The following FSTL4 variants were observed in gnomAD, a reference collection of about 807,000 sequenced individuals.
FSTL4 encodes the protein follistatin-related protein 4.
A neutral mutation model predicts 78.2 loss-of-function variants in FSTL4; 28 were observed. That is an observed-to-expected ratio of 0.36 (90% CI 0.27 to 0.49). FSTL4 has a LOEUF of 0.49. Among genes scored for constraint, FSTL4 ranks in the 20% least tolerant of loss-of-function variants. The pLI, the probability that FSTL4 is intolerant of heterozygous loss-of-function variation, is 0.98. For synonymous variants in FSTL4, 422 were observed against 440.5 expected (o/e 0.96, Z 0.53); for missense variants, 922 against 1,084.9 (o/e 0.85, Z 2.11).
At chr5:133,592,631 T>A (rs928365296) in intron 2 of FSTL4, among the ~76,000 whole-genome samples, 1 of 152,012 alleles carries the variant, frequency 6.6e-6, no homozygotes, top group South Asian at 2.1e-4. Context: ...AGTCATGGAG[T>A]TGGATCCCTT....
chr5:133,559,972 C>T lies in FSTL4; in HGVS notation c.160+7214G>A, dbSNP rs537544708. On this transcript the variant is annotated intron_variant, in intron 3 of 15. Transcript: ENST00000265342. ...TCTGTGATCTGACCTTTGTGAGAAACGGAGAGATGACATAAAGCCAAGTCA... is the reference window on the plus strand; with the variant it reads ...TCTGTGATCTGACCTTTGTGAGAAATGGAGAGATGACATAAAGCCAAGTCA... Among the ~76,000 whole-genome samples, 3 of 152,260 alleles carry T rather than the reference C, an allele frequency of 2.0e-5. No homozygotes were observed. The South Asian group carries it at 6.2e-4, about 32-fold the overall frequency.
intron 3 of FSTL4, among the ~76,000 whole-genome samples, chr5:133,460,844 C>T (rs1757577806): frequency 6.6e-6 from 1 of 152,224 alleles, no homozygotes; most frequent in Admixed American, 6.5e-5. Context: ...TGCTCTGAGG[C>T]TAACTTCTCA....
At chr5:133,767,741 C>T in the FSTL4 span, among the ~76,000 whole-genome samples, 1 of 152,222 alleles carries the variant, frequency 6.6e-6, no homozygotes, top group Non-Finnish European at 1.5e-5. Flanking sequence ...CAGAGTGATG[C>T]CTGGATGCCA....
intron 7 of FSTL4, among the ~76,000 whole-genome samples, chr5:133,240,468 G>GGGCCT (rs1206449030): frequency 2.0e-5 from 3 of 152,184 alleles, no homozygotes; most frequent in Non-Finnish European, 2.9e-5. Flanking sequence ...AACCTGGAGT[G>GGGCCT]GGCCTGTCCT....
At chr5:133,364,687 G>A (rs950489255) in intron 4 of FSTL4, among the ~76,000 whole-genome samples, 3 of 152,098 alleles carry the variant, frequency 2.0e-5, no homozygotes, top group African/African-American at 4.8e-5. Context: ...TTTCAATTTT[G>A]TCCATGGATT....
rs1751119949 is a variant in FSTL4, at chr5:133,221,891, G to GTTTTTTTTTTTTTGTTTTTTTTTTTT, written c.1340-1026_1340-1025insAAAAAAAAAAAACAAAAAAAAAAAAA. On this transcript the variant is annotated intron_variant, in intron 11 of 15. Coordinates refer to ENST00000265342, the MANE Select transcript of FSTL4 (RefSeq NM_015082.2). Reference sequence around the variant, plus strand: ...AATATGTAGAAAAATCTCTTTTCTAGTTTTTTTTTTTTTTTTTTTTTTTTT... The same window carrying GTTTTTTTTTTTTTGTTTTTTTTTTTT: ...AATATGTAGAAAAATCTCTTTTCTAGTTTTTTTTTTTTTGTTTTTTTTTTTTTTTTTTTTTTTTTTTTTTTTTTTTT... Among the ~76,000 whole-genome samples, 7 of 43,358 alleles carry GTTTTTTTTTTTTTGTTTTTTTTTTTT rather than the reference G, an allele frequency of 1.6e-4. 1 individual carries two copies. The highest frequency in any genetic ancestry group is 3.7e-4 in the African/African-American group (7 of 18,806). 28.4% of individuals were successfully genotyped at this position (43,358 alleles called of 152,430 possible).
At chr5:133,816,461 G>A in the FSTL4 span, among the ~76,000 whole-genome samples, 7 of 152,270 alleles carry the variant, frequency 4.6e-5, no homozygotes, top group East Asian at 1.4e-3. Context: ...GAGATGAAAA[G>A]CCCAGGGAAA....
intron 4 of FSTL4, among the ~76,000 whole-genome samples, chr5:133,319,680 A>G (rs1280222749): frequency 6.6e-6 from 1 of 152,178 alleles, no homozygotes; most frequent in African/African-American, 2.4e-5. Flanking sequence ...GGCACCGTAC[A>G]TCATGCTGTT....
the FSTL4 span, among the ~76,000 whole-genome samples, chr5:133,817,199 T>G: frequency 3.3e-5 from 5 of 152,236 alleles, no homozygotes. Flanking sequence ...CTGAGTCTAT[T>G]ATCGTCCCCA....
At chr5:133,388,637 A>C (rs1341206925) in intron 4 of FSTL4, 1 of 149,720 alleles carries the variant, frequency 6.7e-6, no homozygotes, top group African/African-American at 2.5e-5. Flanking sequence ...ATTTCAGATC[A>C]CTTTAATTTT....
chr5:133,226,124 A>G (rs957040202), intron 8 of FSTL4, among the ~76,000 whole-genome samples: 1 of 152,246 alleles, frequency 6.6e-6, no homozygotes. Flanking sequence ...ACATGTAAAG[A>G]GCAGCAGCCA....
intron 4 of FSTL4, among the ~76,000 whole-genome samples, chr5:133,378,191 C>CA (rs1004265090): frequency 4.1e-4 from 61 of 149,562 alleles, no homozygotes; most frequent in Non-Finnish European, 7.0e-4. Flanking sequence ...ACATCTACAC[C>CA]AAAAAAAAAG....
intron 3 of FSTL4, among the ~76,000 whole-genome samples, chr5:133,452,969 C>T (rs1338561372): frequency 1.3e-5 from 2 of 152,240 alleles, no homozygotes; most frequent in Non-Finnish European, 2.9e-5. Context: ...AGTGAAGTCA[C>T]TTGTTGGAGG....
chr5:133,386,715 G>A lies in FSTL4; in HGVS notation c.409+14023C>T, dbSNP rs371597382. ...AGGGGGCAGAGGTGGGGACACTGGC[G>A]AGAAGGAACCCAGGCAGAAGTGGAG... On this transcript the variant is annotated intron_variant, in intron 4 of 15. Coordinates refer to ENST00000265342, the MANE Select transcript of FSTL4 (RefSeq NM_015082.2). Among the ~76,000 whole-genome samples the A allele has an allele frequency of 5.9e-4, 90 of 152,286 alleles. 1 individual carries two copies. Among genetic ancestry groups the A allele is most frequent in the African/African-American group, 2.1e-3 (86 of 41,550 alleles).
intron 4 of FSTL4, among the ~76,000 whole-genome samples, chr5:133,349,875 A>G (rs1580639669): frequency 6.8e-6 from 1 of 146,976 alleles, no homozygotes; most frequent in East Asian, 2.1e-4. Flanking sequence ...TCAGGCTGCC[A>G]TGTGACTGTA....
intron 3 of FSTL4, among the ~76,000 whole-genome samples, chr5:133,511,575 G>A (rs914920681): frequency 7.9e-5 from 12 of 152,168 alleles, no homozygotes; most frequent in Admixed American, 3.3e-4. Flanking sequence ...AGACTCTCCC[G>A]TGACACATCC....
intron 3 of FSTL4, among the ~76,000 whole-genome samples, chr5:133,432,981 A>G (rs1166082244): frequency 6.6e-6 from 1 of 152,206 alleles, no homozygotes; most frequent in Non-Finnish European, 1.5e-5. Flanking sequence ...AATGGCTTAC[A>G]AAGAGAGTGC....
the FSTL4 span, among the ~76,000 whole-genome samples, chr5:133,753,335 T>C: frequency 6.6e-6 from 1 of 152,182 alleles, no homozygotes; most frequent in East Asian, 1.9e-4. Flanking sequence ...CAGATGGGCA[T>C]GTGTCCACTG....
the FSTL4 span, among the ~76,000 whole-genome samples, chr5:133,733,062 T>C: frequency 6.6e-6 from 1 of 152,242 alleles, no homozygotes; most frequent in Non-Finnish European, 1.5e-5. Flanking sequence ...GTTTCTCAGA[T>C]ACTTGTTGAA....
Sources: gnomAD v4.1 joint callset for allele counts (sites outside exome capture counted in the v4.1 genomes callset) on GRCh38, gnomAD v4.1.1 for gene constraint, MANE v1.5 for transcripts, NCBI Gene and HGNC (gene_info 2026-07-23, HGNC 2026-07-21) for gene names.